Variants in TEX29 observed in about 807,000 individuals in gnomAD.
TEX29 encodes the protein testis expressed 29.
In TEX29, 26 loss-of-function variants were observed where a neutral mutation model predicts 18.2. That is an observed-to-expected ratio of 1.43 (90% CI 1.04 to 1.98). The LOEUF is 1.98. TEX29 is among the 30% of genes most tolerant of loss of function. The probability of loss-of-function intolerance (pLI) is 0.00; values close to 1 mark genes in which losing one functional copy is unlikely to be tolerated. For synonymous variants in TEX29, 83 were observed against 78.5 expected, an observed-to-expected ratio of 1.06 and a Z score of -0.31; for missense variants, 177 against 194.2, an observed-to-expected ratio of 0.91 and a Z score of 0.53.
At chr13:111,330,927 G>A (rs1220293677) in intron 3 of TEX29, among the ~76,000 whole-genome samples, 3 of 152,160 alleles carry the variant, frequency 2.0e-5, no homozygotes, top group South Asian at 2.1e-4. Flanking sequence ...TAGGTATGCC[G>A]CATTTTGTTG....
chr13:111,325,185 G>C lies in TEX29; in HGVS notation c.59-2998G>C, dbSNP rs567565822. ...CTCGTTTCAGTAGATCAGGAAGAAC[G>C]TGGTTGCCCCGCCATCCTGAGGCAG... On this transcript the variant is annotated intron_variant, in intron 2 of 5. Transcript: ENST00000283547. 3.9e-5 allele frequency among the ~76,000 whole-genome samples: 6 copies of C among 152,346 alleles called. No individual in the cohort carries two copies. The South Asian group carries it at 1.2e-3, about 32-fold the overall frequency.
chr13:111,325,050 G>A (rs1017949676), intron 2 of TEX29, among the ~76,000 whole-genome samples: 1 of 152,158 alleles, frequency 6.6e-6, no homozygotes, highest in East Asian at 1.9e-4. Flanking sequence ...CATGGGATGA[G>A]CTTTGAAACC....
At chr13:111,329,201 G>A (rs528154757) in intron 3 of TEX29, among the ~76,000 whole-genome samples, 1 of 152,132 alleles carries the variant, frequency 6.6e-6, no homozygotes. Flanking sequence ...ACAGCAGCAC[G>A]GAGGGGAGCA....
chr13:111,343,357 G>A (rs1352060797), intron 5 of TEX29, among the ~76,000 whole-genome samples: 1 of 151,574 alleles, frequency 6.6e-6, no homozygotes. Flanking sequence ...GTTGTGCAGG[G>A]AGGCTGCCAG....
At chr13:111,327,850 G>A (rs932630703) in intron 2 of TEX29, among the ~76,000 whole-genome samples, 1 of 152,196 alleles carries the variant, frequency 6.6e-6, no homozygotes. Flanking sequence ...GTTCCCTCCC[G>A]AACTCCCAAG....
At chr13:111,343,414 G>A (rs760649975) in intron 5 of TEX29, among the ~76,000 whole-genome samples, 1 of 151,720 alleles carries the variant, frequency 6.6e-6, no homozygotes, top group Non-Finnish European at 1.5e-5. Flanking sequence ...TGGTGGTCGT[G>A]GATGTGCGGG....
chr13:111,321,094 C>T (rs1359228896), intron 2 of TEX29, 146 bp downstream of exon 2: 5 of 853,670 alleles, frequency 5.9e-6, no homozygotes, highest in Non-Finnish European at 9.1e-6. Flanking sequence ...AATGTGTGTT[C>T]AGGAAATAAC....
chr13:111,320,993 G>GA, intron 2 of TEX29, 45 bp downstream of exon 2: 1 of 479,862 alleles, frequency 2.1e-6, no homozygotes, highest in Non-Finnish European at 3.2e-6. Flanking sequence ...TGGGGGAGCA[G>GA]TTGGGGGGGG....
chr13:111,326,015 C>T (rs79229252), intron 2 of TEX29, among the ~76,000 whole-genome samples: 12,721 of 152,182 alleles, frequency 0.084, 633 homozygotes, highest in Non-Finnish European at 0.1. Flanking sequence ...TGTCTGGGGA[C>T]GGTGGGGAGG....
intron 4 of TEX29, among the ~76,000 whole-genome samples, chr13:111,342,250 A>G (rs2093697700): frequency 6.6e-6 from 1 of 152,278 alleles, no homozygotes; most frequent in South Asian, 2.1e-4. Flanking sequence ...TTTTCCTACC[A>G]TGAGTGGTGC....
intron 3 of TEX29, among the ~76,000 whole-genome samples, chr13:111,335,043 T>C (rs976959753): frequency 2.0e-5 from 3 of 152,224 alleles, no homozygotes; most frequent in Admixed American, 2.0e-4. Context: ...AACAAACAGA[T>C]TTCTGCAAGC....
intron 2 of TEX29, among the ~76,000 whole-genome samples, chr13:111,326,727 C>T (rs1000280741): frequency 6.1e-5 from 9 of 147,646 alleles, no homozygotes; most frequent in Admixed American, 3.4e-4. Context: ...GAGGAGACTG[C>T]GGGCAGTGCG....
In TEX29 at chr13:111,320,923, G is replaced by T; in HGVS notation, c.33G>T (p.Pro11=). ...ACGTGCTGGAAGTGAAGAACTCTCC[G>T]CGGCACCTCCTGAAGCAATTCACAG... The part of the protein sequence containing the change: MEYVLEVKNS[P]RHLLKQFTVC... The change falls in exon 2 of 6, where the codon CCG becomes CCT. Residue 11 remains proline (P), a synonymous_variant. Transcript: ENST00000283547. 1 of 1,511,096 alleles carries T rather than the reference G, an allele frequency of 6.6e-7. No homozygotes were observed. Among genetic ancestry groups the T allele is most frequent in the Non-Finnish European group, 8.9e-7 (1 of 1,121,100 alleles). 93.6% of individuals were successfully genotyped at this position (1,511,096 alleles called of 1,614,324 possible). A position where few individuals can be genotyped will look rare whatever the true frequency, so the allele number is the denominator to read the frequency against.
In TEX29 at chr13:111,321,011, G is replaced by A. The variant is rs1043109051; in HGVS notation, c.58+63G>A. 6 of 1,504,090 alleles carry A rather than the reference G, an allele frequency of 4.0e-6. No individual in the cohort carries two copies. The South Asian group carries it at 7.3e-5, about 18-fold the overall frequency. 93.2% of individuals were successfully genotyped at this position (1,504,090 alleles called of 1,614,324 possible). A position where few individuals can be genotyped will look rare whatever the true frequency, so the allele number is the denominator to read the frequency against. On this transcript the variant is annotated intron_variant, in intron 2 of 5. Transcript: ENST00000283547. ...GGGAGCAGTTGGGGGGGGGCACAGGGAGGAGCTGTTTGAGCCCCTGGCGCG... is the reference window on the plus strand; with the variant it reads ...GGGAGCAGTTGGGGGGGGGCACAGGAAGGAGCTGTTTGAGCCCCTGGCGCG...
In TEX29 at chr13:111,330,865, A is replaced by G. The variant is rs143467599; in HGVS notation, c.169+2572A>G. Reference sequence around the variant, plus strand: ...AGTTCTCAAGGTTCGTTCGTGTTGTAGTAGCTATCAGTACTTCCTTTCTGT... The same window carrying G: ...AGTTCTCAAGGTTCGTTCGTGTTGTGGTAGCTATCAGTACTTCCTTTCTGT... On this transcript the variant is annotated intron_variant, in intron 3 of 5. Coordinates refer to ENST00000283547, the MANE Select transcript of TEX29 (RefSeq NM_152324.3). Among the ~76,000 whole-genome samples the G allele has an allele frequency of 2.0e-4, 30 of 152,294 alleles. No homozygotes were observed. The East Asian group carries it at 5.0e-3, about 25-fold the overall frequency.
chr13:111,320,995 TG>T (rs57775875), intron 2 of TEX29, 47 bp downstream of exon 2: 8,516 of 321,584 alleles, frequency 0.026, 401 homozygotes, highest in African/African-American at 0.16. Context: ...GGGGAGCAGT[TG>T]GGGGGGGGCA....
At chr13:111,321,884 A>T (rs1204440571) in intron 2 of TEX29, among the ~76,000 whole-genome samples, 1 of 152,200 alleles carries the variant, frequency 6.6e-6, no homozygotes, top group African/African-American at 2.4e-5. Flanking sequence ...AGATTGTGCC[A>T]CTCCACTCCA....
At chr13:111,342,651 A>G (rs771388104) in intron 4 of TEX29, 105 bp from the exon 5 acceptor site, 26 of 1,100,286 alleles carry the variant, frequency 2.4e-5, no homozygotes, top group Non-Finnish European at 3.3e-5. Flanking sequence ...ATGCATGATC[A>G]GGAACCTGTG....
At chr13:111,334,616 A>G (rs1023497493) in intron 3 of TEX29, among the ~76,000 whole-genome samples, 1 of 152,230 alleles carries the variant, frequency 6.6e-6, no homozygotes, top group Non-Finnish European at 1.5e-5. Context: ...AGAGCTCTCT[A>G]TGCACATCTC....
Sources: gnomAD v4.1 joint callset for allele counts (sites outside exome capture counted in the v4.1 genomes callset) on GRCh38, gnomAD v4.1.1 for gene constraint, MANE v1.5 for transcripts, NCBI Gene and HGNC (gene_info 2026-07-23, HGNC 2026-07-21) for gene names.